PDK3: variants seen among roughly 807,000 people sequenced by gnomAD.
PDK3 encodes pyruvate dehydrogenase kinase 3, also known as pyruvate dehydrogenase kinase, isozyme 3.
PDK3 carries 12 observed loss-of-function variants against 32.0 expected under a neutral mutation model. The ratio of observed to expected loss-of-function variants is 0.37; its 90% confidence interval spans 0.24 to 0.61. PDK3 has a LOEUF of 0.61. PDK3 is among the 20% of genes least tolerant of loss of function. The probability of loss-of-function intolerance (pLI) is 0.65; values close to 1 mark genes in which losing one functional copy is unlikely to be tolerated. For synonymous variants in PDK3, 122 were observed against 116.3 expected, an observed-to-expected ratio of 1.05 and a Z score of -0.31; for missense variants, 188 against 316.9, an observed-to-expected ratio of 0.59 and a Z score of 3.09.
intron 10 of PDK3, among the ~76,000 whole-genome samples, chrX:24,532,950 C>T (rs1025324771): frequency 9.1e-6 from 1 of 110,151 alleles, no homozygotes; most frequent in Non-Finnish European, 1.9e-5. Context: ...TGAGCGCCAA[C>T]GTGATGCTTG....
chrX:24,537,833 C>G (rs768183168), downstream of PDK3, among the ~76,000 whole-genome samples: 4 of 111,929 alleles, frequency 3.6e-5, no homozygotes, highest in African/African-American at 6.5e-5. Flanking sequence ...TGGACTGCTA[C>G]GCAATATTGC....
intron 7 of PDK3, among the ~76,000 whole-genome samples, chrX:24,526,803 C>G (rs953025238): frequency 2.7e-5 from 3 of 111,393 alleles, no homozygotes; most frequent in Non-Finnish European, 5.7e-5. Context: ...CCCTCCCCCC[C>G]ACCAAATTCT....
At chrX:24,472,643 A>ATT (rs59591063) in intron 1 of PDK3, among the ~76,000 whole-genome samples, 4,595 of 102,654 alleles carry the variant, frequency 0.045, 133 homozygotes, top group Non-Finnish European at 0.075. Flanking sequence ...GAAATTTTAA[A>ATT]TTATATATAT....
At chrX:24,492,387 G>A (rs764613587) in intron 1 of PDK3, among the ~76,000 whole-genome samples, 11 of 109,469 alleles carry the variant, frequency 1.0e-4, no homozygotes, top group African/African-American at 3.7e-4. Flanking sequence ...TCAGGAGTTC[G>A]AGACCAGCCT....
exon 12 of PDK3, among the ~76,000 whole-genome samples, chrX:24,542,638 AGAG>A (rs767949952): frequency 2.0e-4 from 22 of 112,583 alleles, no homozygotes; most frequent in African/African-American, 6.4e-4. Context: ...TGGCATAGTT[AGAG>A]GAGATAATCA....
chrX:24,508,689 A>G (rs1303691434), intron 5 of PDK3, among the ~76,000 whole-genome samples: 1 of 110,432 alleles, frequency 9.1e-6, no homozygotes, highest in Non-Finnish European at 1.9e-5. Flanking sequence ...TTTAGTACAT[A>G]TTACCTGGCC....
At chrX:24,514,558 A>T (rs1168327827) in intron 5 of PDK3, among the ~76,000 whole-genome samples, 1 of 112,287 alleles carries the variant, frequency 8.9e-6, no homozygotes, top group African/African-American at 3.2e-5. Flanking sequence ...AAAGCTTATT[A>T]TAAGTAGAAT....
chrX:24,543,977 AT>A (rs1922943888), exon 12 of PDK3, among the ~76,000 whole-genome samples: 1 of 110,959 alleles, frequency 9.0e-6, no homozygotes, highest in African/African-American at 3.3e-5. Context: ...CTTATTATTT[AT>A]CTTTGCATGG....
Position 24,515,295 on chromosome X carries a change from G to A in PDK3, c.596-3638G>A, listed in dbSNP as rs1020319061. Among the ~76,000 whole-genome samples the A allele has an allele frequency of 5.4e-5, 6 of 111,799 alleles. 1 individual carries two copies. The East Asian group carries it at 1.4e-3, about 26-fold the overall frequency. On this transcript the variant is annotated intron_variant, in intron 5 of 10. Transcript: ENST00000379162. ...AGTGATGCTTTAAAAATTCTTATTC[G>A]CACGTGGTTTTAGGAGCTGTACTGG...
intron 5 of PDK3, chrX:24,513,369 G>T (rs988851454): frequency 2.7e-5 from 3 of 111,757 alleles, no homozygotes; most frequent in African/African-American, 9.8e-5. Flanking sequence ...ATTCCAGAAG[G>T]TGGGGTGCGG....
chrX:24,505,399 A>AT, intron 5 of PDK3, 101 bp downstream of exon 5: 1 of 540,279 alleles, frequency 1.9e-6, no homozygotes. Context: ...CAGTCTGCTG[A>AT]TTCATCAGGT....
chrX:24,474,383 T>TTTTA (rs57520211), intron 1 of PDK3, among the ~76,000 whole-genome samples: 26,835 of 96,669 alleles, frequency 0.28, 3,556 homozygotes, highest in South Asian at 0.37. Flanking sequence ...TATAAGTTTA[T>TTTTA]TTTATTTATT....
chrX:24,524,409 C>T (rs1173745629), intron 6 of PDK3, among the ~76,000 whole-genome samples: 4 of 111,335 alleles, frequency 3.6e-5, no homozygotes, highest in Admixed American at 9.5e-5. Context: ...AAGATCTTAG[C>T]GAAATGGCAT....
chrX:24,468,192 A>T (rs778057268), intron 1 of PDK3, among the ~76,000 whole-genome samples: 2 of 112,262 alleles, frequency 1.8e-5, no homozygotes, highest in Admixed American at 9.4e-5. Flanking sequence ...ATTATTTGCT[A>T]TGTTCAAAAG....
chrX:24,526,701 C>G (rs1014446809), intron 7 of PDK3, among the ~76,000 whole-genome samples: 1 of 111,820 alleles, frequency 8.9e-6, no homozygotes, highest in African/African-American at 3.2e-5. Context: ...CTGAGAGATC[C>G]TGCAACTCTT....
rs144455112 is a variant in PDK3 at position 24,476,133 on chromosome X, C to G, written c.106+10572C>G. 4.0e-3 allele frequency among the ~76,000 whole-genome samples: 440 copies of G among 110,685 alleles called. 2 individuals carry two copies. The highest frequency in any genetic ancestry group is 0.013 in the African/African-American group (394 of 30,528). ...GCAAATCCTTTTATTTTAGGAATACCCTGGTCTAAGAATGTCAACCTATAG... is the reference window on the plus strand; with the variant it reads ...GCAAATCCTTTTATTTTAGGAATACGCTGGTCTAAGAATGTCAACCTATAG... On this transcript the variant is annotated intron_variant, in intron 1 of 10. Transcript: ENST00000379162.
chrX:24,516,210 G>T (rs897834381), intron 5 of PDK3, among the ~76,000 whole-genome samples: 2 of 111,056 alleles, frequency 1.8e-5, no homozygotes, highest in African/African-American at 6.6e-5. Flanking sequence ...TATTAAACAA[G>T]CACAGTATTT....
exon 12 of PDK3, among the ~76,000 whole-genome samples, chrX:24,541,406 G>A (rs886930405): frequency 3.6e-5 from 4 of 111,240 alleles, no homozygotes; most frequent in Non-Finnish European, 5.7e-5. Context: ...CTCACAAGCA[G>A]TACCATGTAA....
chrX:24,478,383 C>G (rs1404030157), intron 1 of PDK3, among the ~76,000 whole-genome samples: 2 of 112,092 alleles, frequency 1.8e-5, no homozygotes, highest in African/African-American at 6.5e-5. Context: ...TCGTTTGAAC[C>G]TGGGAGGTGG....
Sources: allele counts gnomAD v4.1 joint callset (sites outside exome capture counted in the v4.1 genomes callset), GRCh38; gene constraint gnomAD v4.1.1; transcripts MANE v1.5; gene names NCBI Gene and HGNC (gene_info 2026-07-23, HGNC 2026-07-21).